MYO10: variants seen among roughly 807,000 people sequenced by gnomAD.
MYO10 encodes unconventional myosin-X.
A neutral mutation model predicts 257.3 loss-of-function variants in MYO10; 133 were observed. That is an observed-to-expected ratio of 0.52 (90% CI 0.45 to 0.60). MYO10 has a LOEUF of 0.60. Ranked by LOEUF, MYO10 falls within the 20% of genes least tolerant of loss-of-function variation. The pLI is 0.00. For synonymous variants in MYO10, 1,104 were observed against 1,028.6 expected, an observed-to-expected ratio of 1.07 and a Z score of -1.40; for missense variants, 2,399 against 2,635.7, an observed-to-expected ratio of 0.91 and a Z score of 1.97.
chr5:16,851,624 G>A (rs1254551252), intron 2 of MYO10, among the ~76,000 whole-genome samples: 1 of 152,110 alleles, frequency 6.6e-6, no homozygotes, highest in Non-Finnish European at 1.5e-5. Flanking sequence ...GAGGATGAAG[G>A]ATGTGAAACC....
intron 2 of MYO10, among the ~76,000 whole-genome samples, chr5:16,869,977 G>A (rs1051960318): frequency 1.3e-5 from 2 of 151,172 alleles, no homozygotes; most frequent in Non-Finnish European, 2.9e-5. Context: ...AAGCAGGCAG[G>A]TGTGCCCTTT....
chr5:16,745,067 C>T (rs1413335011), intron 19 of MYO10, among the ~76,000 whole-genome samples: 11 of 152,212 alleles, frequency 7.2e-5, no homozygotes, highest in East Asian at 1.9e-4. Context: ...AGGCCGGGCG[C>T]GGTAGCTCAC....
intron 34 of MYO10, among the ~76,000 whole-genome samples, chr5:16,675,530 G>T (rs1037026605): frequency 5.9e-5 from 9 of 152,114 alleles, no homozygotes; most frequent in African/African-American, 2.2e-4. Context: ...TTCAGGCCAG[G>T]AGTTCAAGAC....
rs987111602 is a variant in MYO10, at chr5:16,830,706, G to A, written c.121-12539C>T. Among the ~76,000 whole-genome samples the A allele has an allele frequency of 2.3e-4, 13 of 57,720 alleles. No individual in the cohort carries two copies. The East Asian group carries it at 4.3e-3, about 19-fold the overall frequency. 37.9% of individuals were successfully genotyped at this position (57,720 alleles called of 152,430 possible). On this transcript the variant is annotated intron_variant, in intron 2 of 40. Coordinates refer to ENST00000513610, the MANE Select transcript of MYO10 (RefSeq NM_012334.3). Reference sequence around the variant, plus strand: ...ACACACACACACACACACACAGGGCGACTGTACTCTTGGGCCTTCATTCTA... The same window carrying A: ...ACACACACACACACACACACAGGGCAACTGTACTCTTGGGCCTTCATTCTA...
At chr5:16,721,431 C>T (rs1387044832) in intron 19 of MYO10, among the ~76,000 whole-genome samples, 1 of 151,906 alleles carries the variant, frequency 6.6e-6, no homozygotes, top group East Asian at 1.9e-4. Context: ...CGACAAAAGT[C>T]CTTTGTACTT....
chr5:16,874,697 G>A (rs1744549373), intron 2 of MYO10, among the ~76,000 whole-genome samples: 1 of 152,090 alleles, frequency 6.6e-6, no homozygotes, highest in Non-Finnish European at 1.5e-5. Context: ...CTATTCAACA[G>A]GTCTTGAGGA....
chr5:16,662,198 A>G lies in MYO10; in HGVS notation c.*4494T>C, dbSNP rs1736009028. Reference sequence around the variant, plus strand: ...CAAATTAATTAAAGCGCTTATTTTTATACCCAATACACACAAATACAGAAC... The same window carrying G: ...CAAATTAATTAAAGCGCTTATTTTTGTACCCAATACACACAAATACAGAAC... On this transcript the variant is annotated 3_prime_UTR_variant, in exon 41 of 41. Transcript: ENST00000513610. The G allele has an allele frequency of 6.6e-6, 1 of 151,856 alleles. No individual in the cohort carries two copies. Among genetic ancestry groups the G allele is most frequent in the Admixed American group, 6.6e-5 (1 of 15,250 alleles). 9.4% of individuals were successfully genotyped at this position (151,856 alleles called of 1,614,324 possible).
intron 3 of MYO10, among the ~76,000 whole-genome samples, chr5:16,806,974 C>T (rs1222418487): frequency 6.6e-6 from 1 of 152,160 alleles, no homozygotes; most frequent in Non-Finnish European, 1.5e-5. Flanking sequence ...AACCACAATG[C>T]TTTTCGTCAT....
chr5:16,704,663 TC>T lies in MYO10; in HGVS notation c.2191del (p.Glu731AsnfsTer12). 6.2e-7 allele frequency: 1 copy of T among 1,613,898 alleles called. No homozygotes were observed. Among genetic ancestry groups the T allele is most frequent in the Non-Finnish European group, 8.5e-7 (1 of 1,179,866 alleles). ...KTKVFLRESL[E>X]QKLEKRREEE... ...TTCCCTCCGCTTCTCCAGTTTCTGT[TC>T]CAAGGATTCTCGAAGAAAGACCTGC... On this transcript the variant is annotated frameshift_variant, in exon 22 of 41. Coordinates refer to ENST00000513610, the MANE Select transcript of MYO10 (RefSeq NM_012334.3). LOFTEE classifies it high-confidence loss of function.
chr5:16,865,648 T>A (rs1178954393), intron 2 of MYO10, among the ~76,000 whole-genome samples: 1 of 151,830 alleles, frequency 6.6e-6, no homozygotes, highest in African/African-American at 2.4e-5. Flanking sequence ...CCGTCTCTCC[T>A]AAAAATACAA....
At chr5:16,760,434 C>T (rs1272957584) in intron 17 of MYO10, among the ~76,000 whole-genome samples, 2 of 149,030 alleles carry the variant, frequency 1.3e-5, no homozygotes, top group Admixed American at 1.3e-4. Context: ...GCACTCCAGT[C>T]TGGGTGACAG....
At chr5:16,874,785 C>A (rs537061047) in intron 2 of MYO10, among the ~76,000 whole-genome samples, 1 of 152,300 alleles carries the variant, frequency 6.6e-6, no homozygotes, top group African/African-American at 2.4e-5. Context: ...TTACCCAGTT[C>A]CAAAGTTGCT....
chr5:16,790,366 A>G (rs1212026640), intron 4 of MYO10, among the ~76,000 whole-genome samples: 2 of 152,000 alleles, frequency 1.3e-5, no homozygotes, highest in Non-Finnish European at 2.9e-5. Flanking sequence ...ACACCTTAAG[A>G]AGTCATATGT....
chr5:16,914,014 TG>T (rs1324121823), intron 1 of MYO10, among the ~76,000 whole-genome samples: 1 of 152,130 alleles, frequency 6.6e-6, no homozygotes, highest in Non-Finnish European at 1.5e-5. Flanking sequence ...GGCTCCTCCC[TG>T]GAAACACACC....
chr5:16,898,785 A>G (rs1461917718), intron 1 of MYO10, among the ~76,000 whole-genome samples: 1 of 151,954 alleles, frequency 6.6e-6, no homozygotes, highest in Non-Finnish European at 1.5e-5. Context: ...AAGTGCCCAA[A>G]TATCACAAAG....
chr5:16,823,468 ATTTTTT>A (rs1173952251), intron 2 of MYO10, among the ~76,000 whole-genome samples: 1 of 6,448 alleles, frequency 1.6e-4, no homozygotes, highest in Non-Finnish European at 2.8e-4. Flanking sequence ...GGGAGTGGGG[ATTTTTT>A]TTTTTTTTTT....
At chr5:16,724,994 T>G (rs1561211035) in intron 19 of MYO10, among the ~76,000 whole-genome samples, 1 of 151,874 alleles carries the variant, frequency 6.6e-6, no homozygotes, top group Non-Finnish European at 1.5e-5. Context: ...CAAATAAAAG[T>G]GTTCCACATT....
chr5:16,818,214 G>T, intron 2 of MYO10, 47 bp from the exon 3 acceptor site: 1 of 1,374,042 alleles, frequency 7.3e-7, no homozygotes. Flanking sequence ...AGCAGTAAGT[G>T]ATTTTTCACA....
chr5:16,684,386 G>C (rs1040358654), intron 29 of MYO10, among the ~76,000 whole-genome samples: 39 of 152,226 alleles, frequency 2.6e-4, no homozygotes, highest in Non-Finnish European at 4.6e-4. Context: ...AGGACTACAG[G>C]TGTGGGCCAC....
Sources: allele counts gnomAD v4.1 joint callset (sites outside exome capture counted in the v4.1 genomes callset), GRCh38; gene constraint gnomAD v4.1.1; transcripts MANE v1.5; gene names NCBI Gene and HGNC (gene_info 2026-07-23, HGNC 2026-07-21).